Variants in KIAA1328 observed in about 807,000 individuals in gnomAD.
KIAA1328 encodes the protein KIAA1328.
KIAA1328 carries 52 observed loss-of-function variants against 68.1 expected under a neutral mutation model. The ratio of observed to expected loss-of-function variants is 0.76; its 90% CI spans 0.61 to 0.96. The LOEUF is 0.96. Among genes scored for constraint, KIAA1328 ranks in the 40% least tolerant of loss-of-function variants. The pLI is 0.00. For missense variants in KIAA1328, 641 were observed against 677.6 expected, an observed-to-expected ratio of 0.95 and a Z score of 0.60; for synonymous variants, 232 against 239.4, an observed-to-expected ratio of 0.97 and a Z score of 0.28.
rs1278282201 is a variant in KIAA1328, at chr18:37,067,405, A to G, written c.1092A>G (p.Glu364=). 6.2e-7 allele frequency: 1 copy of G among 1,611,980 alleles called. No individual in the cohort carries two copies. The highest frequency in any genetic ancestry group is 1.1e-5 in the South Asian group (1 of 90,742). Reference sequence around the variant, plus strand: ...AAACTTTGAAAAAGCAGATCTCAGAAGATAGAAAGCAGCAACTGATGCTTC... The same window carrying G: ...AAACTTTGAAAAAGCAGATCTCAGAGGATAGAAAGCAGCAACTGATGCTTC... ...PIETLKKQIS[E]DRKQQLMLQK... Residue 364 remains glutamate (E), a synonymous_variant, in exon 7 of 10, where the codon GAA becomes GAG. Coordinates refer to ENST00000280020, the MANE Select transcript of KIAA1328 (RefSeq NM_020776.3).
At chr18:37,168,922 G>C (rs1243091506) in intron 8 of KIAA1328, among the ~76,000 whole-genome samples, 1 of 151,266 alleles carries the variant, frequency 6.6e-6, no homozygotes, top group Non-Finnish European at 1.5e-5. Flanking sequence ...CCCAGAAACA[G>C]AGTTTTCTTA....
chr18:36,974,009 A>C (rs1175153768), intron 6 of KIAA1328, among the ~76,000 whole-genome samples: 2 of 152,186 alleles, frequency 1.3e-5, no homozygotes, highest in African/African-American at 4.8e-5. Flanking sequence ...ATTAAAGTTT[A>C]TGTGTTATCT....
intron 7 of KIAA1328, among the ~76,000 whole-genome samples, chr18:37,095,601 C>A (rs2057381932): frequency 6.6e-6 from 1 of 151,918 alleles, no homozygotes; most frequent in Non-Finnish European, 1.5e-5. Flanking sequence ...ACTAGAAAAG[C>A]AAGAACTAAC....
intron 5 of KIAA1328, among the ~76,000 whole-genome samples, chr18:36,911,865 A>T (rs1302020472): frequency 6.6e-6 from 1 of 152,154 alleles, no homozygotes; most frequent in Admixed American, 6.6e-5. Context: ...GGTGTGGCAT[A>T]AGCAGTCAGA....
intron 6 of KIAA1328, among the ~76,000 whole-genome samples, chr18:37,045,533 C>T (rs1305607154): frequency 1.3e-5 from 2 of 151,192 alleles, no homozygotes; most frequent in Non-Finnish European, 2.9e-5. Context: ...TTTCCGTCAT[C>T]TCATAGACTG....
intron 5 of KIAA1328, among the ~76,000 whole-genome samples, chr18:36,910,248 GTTT>G (rs1191265931): frequency 6.6e-6 from 1 of 152,004 alleles, no homozygotes; most frequent in Non-Finnish European, 1.5e-5. Context: ...GGTTTTTATG[GTTT>G]TAGGTCTAAC....
At chr18:36,883,754 C>T (rs1253849949) in intron 4 of KIAA1328, among the ~76,000 whole-genome samples, 1 of 152,028 alleles carries the variant, frequency 6.6e-6, no homozygotes, top group African/African-American at 2.4e-5. Flanking sequence ...CCTACAGATT[C>T]ATCACTTTGT....
chr18:37,038,948 T>C (rs2055138031), intron 6 of KIAA1328, among the ~76,000 whole-genome samples: 1 of 152,168 alleles, frequency 6.6e-6, no homozygotes, highest in South Asian at 2.1e-4. Flanking sequence ...TTGGATGCTT[T>C]TTCTGTTTCA....
intron 6 of KIAA1328, among the ~76,000 whole-genome samples, chr18:37,049,395 A>G (rs1323618700): frequency 6.6e-6 from 1 of 152,212 alleles, no homozygotes; most frequent in African/African-American, 2.4e-5. Context: ...GCATTTGAGC[A>G]CTAGGAAACT....
intron 9 of KIAA1328, among the ~76,000 whole-genome samples, chr18:37,218,436 C>T (rs979080741): frequency 9.9e-5 from 15 of 152,264 alleles, no homozygotes; most frequent in East Asian, 7.7e-4. Context: ...GGAGTTTGTC[C>T]GGCTTTCCCA....
intron 5 of KIAA1328, among the ~76,000 whole-genome samples, chr18:36,897,018 A>G (rs1158015701): frequency 6.6e-6 from 1 of 152,132 alleles, no homozygotes; most frequent in Non-Finnish European, 1.5e-5. Flanking sequence ...CTTATGCAGT[A>G]ACATTAAAAA....
chr18:36,830,586 G>A (rs563388974), intron 1 of KIAA1328, among the ~76,000 whole-genome samples: 1 of 152,050 alleles, frequency 6.6e-6, no homozygotes, highest in African/African-American at 2.4e-5. Context: ...GGTTTGGGGG[G>A]GGGACAAGCT....
intron 5 of KIAA1328, among the ~76,000 whole-genome samples, chr18:36,902,590 C>T (rs1246692732): frequency 6.6e-6 from 1 of 152,040 alleles, no homozygotes; most frequent in Non-Finnish European, 1.5e-5. Flanking sequence ...ATGACAGCTT[C>T]TCTGTATGTT....
At chr18:36,974,575 C>G (rs2052385273) in intron 6 of KIAA1328, among the ~76,000 whole-genome samples, 1 of 152,056 alleles carries the variant, frequency 6.6e-6, no homozygotes, top group South Asian at 2.1e-4. Flanking sequence ...GATTCCTTAT[C>G]TTTGCTATTG....
At chr18:36,845,011 T>C (rs905277906) in intron 4 of KIAA1328, among the ~76,000 whole-genome samples, 1 of 151,760 alleles carries the variant, frequency 6.6e-6, no homozygotes, top group Non-Finnish European at 1.5e-5. Flanking sequence ...ATAACAATAT[T>C]AGGTATGTTT....
chr18:37,010,269 C>T (rs2053927497), intron 6 of KIAA1328, among the ~76,000 whole-genome samples: 1 of 151,632 alleles, frequency 6.6e-6, no homozygotes, highest in African/African-American at 2.4e-5. Context: ...ATGGTGAAAC[C>T]CCATCTCTAC....
intron 9 of KIAA1328, among the ~76,000 whole-genome samples, chr18:37,215,368 A>C (rs1373382684): frequency 2.0e-5 from 3 of 151,998 alleles, no homozygotes; most frequent in Admixed American, 2.0e-4. Context: ...AAGGCTGTTG[A>C]ATTTTGTTGA....
chr18:37,093,239 A>G (rs528771241), intron 7 of KIAA1328, among the ~76,000 whole-genome samples: 1 of 152,352 alleles, frequency 6.6e-6, no homozygotes, highest in South Asian at 2.1e-4. Context: ...AAGAAATGTG[A>G]AAAAGCAAGG....
At chr18:36,954,565 G>T (rs2051321198) in intron 5 of KIAA1328, 1 of 151,926 alleles carries the variant, frequency 6.6e-6, no homozygotes, top group African/African-American at 2.4e-5. Flanking sequence ...AATGGTTTTA[G>T]TATCCTTTAA....
Sources: gnomAD v4.1 joint callset for allele counts (sites outside exome capture counted in the v4.1 genomes callset) on GRCh38, gnomAD v4.1.1 for gene constraint, MANE v1.5 for transcripts, NCBI Gene and HGNC (gene_info 2026-07-23, HGNC 2026-07-21) for gene names.